MED28: variants seen among roughly 807,000 people sequenced by gnomAD.
The protein encoded by MED28 is mediator complex subunit 28.
MED28 carries 26 observed loss-of-function variants against 21.3 expected under a neutral mutation model. That is an observed-to-expected ratio of 1.22 (90% CI 0.89 to 1.69). The LOEUF (loss-of-function observed/expected upper bound fraction) is 1.69, where lower values mean the gene tolerates loss of function less well. Ranked by LOEUF, MED28 falls within the 40% of genes most tolerant of loss-of-function variation. MED28 has a pLI of 0.00. For missense variants in MED28, 257 were observed against 215.4 expected, an observed-to-expected ratio of 1.19 and a Z score of -1.21; for synonymous variants, 110 against 87.6, an observed-to-expected ratio of 1.26 and a Z score of -1.43.
In MED28 at chr4:17,628,140, A is replaced by G. The variant is rs1439892781; in HGVS notation, c.*4342A>G. On this transcript the variant is annotated 3_prime_UTR_variant, in exon 4 of 4. Coordinates refer to ENST00000237380, the MANE Select transcript of MED28 (RefSeq NM_025205.5). ...ACCCCAAAGTTGCTCTCAGGCCATG[A>G]TAAAATAAACCACTTAATAATTTTG... 1.3e-5 allele frequency: 2 copies of G among 152,210 alleles called. No homozygotes were observed. Among genetic ancestry groups the G allele is most frequent in the Admixed American group, 6.6e-5 (1 of 15,260 alleles). The allele number at this position is 152,210 out of a possible 1,614,324, so 9.4% of individuals were successfully genotyped here. A position where few individuals can be genotyped will look rare whatever the true frequency, so the allele number is the denominator to read the frequency against.
At position 17,632,577 on chromosome 4, in the gene MED28, C is replaced by G. The variant is rs779817402; in HGVS notation, c.*8779C>G. ...TGAACCATTCCTGGTGCGGAGAGCC[C>G]TGTTTCTGCTGGACTTCTTTGGCTT... is the stretch of plus-strand genomic sequence containing the variant. On this transcript the variant is annotated 3_prime_UTR_variant, in exon 4 of 4. Transcript: ENST00000237380. The G allele has an allele frequency of 1.3e-6, 2 of 1,551,446 alleles. No homozygotes were observed. The highest frequency in any genetic ancestry group is 1.2e-5 in the South Asian group (1 of 84,058).
rs1374242688 is a variant in MED28 at position 17,628,747 on chromosome 4, A to C, written c.*4949A>C. 1 of 152,204 alleles carries C rather than the reference A, an allele frequency of 6.6e-6. No individual in the cohort carries two copies. Among genetic ancestry groups the C allele is most frequent in the African/African-American group, 2.4e-5 (1 of 41,442 alleles). The allele number at this position is 152,204 out of a possible 1,614,324, so 9.4% of individuals were successfully genotyped here. A position where few individuals can be genotyped will look rare whatever the true frequency, so the allele number is the denominator to read the frequency against. On this transcript the variant is annotated 3_prime_UTR_variant, in exon 4 of 4. Transcript: ENST00000237380. ...ATGAGGCTTGGGGACTGGCTCACTC[A>C]CTGCCCAACTGGTAGCAAAACCCAT...
intron 1 of MED28, among the ~76,000 whole-genome samples, chr4:17,619,686 C>T (rs1034733604): frequency 1.3e-5 from 2 of 152,048 alleles, no homozygotes; most frequent in African/African-American, 2.4e-5. Context: ...GATGTGGTGC[C>T]GGCTCGTTTG....
chr4:17,621,624 AAGAC>A lies in MED28; in HGVS notation c.272_275del (p.Thr91AsnfsTer27), dbSNP rs760950057. 1.9e-6 allele frequency: 3 copies of A among 1,610,440 alleles called. No homozygotes were observed. The highest frequency in any genetic ancestry group is 2.3e-5 in the South Asian group (2 of 88,852). ...GTATCCAGAAGTTTCTGGATATTGC[AAGAC>A]AGACAGAATGTTTTTTCTTACAAAA... On this transcript the variant is annotated frameshift_variant, in exon 3 of 4. Transcript: ENST00000237380. LOFTEE classifies it high-confidence loss of function.
At chr4:17,620,893 A>C (rs1714607577) in intron 2 of MED28, among the ~76,000 whole-genome samples, 1 of 150,918 alleles carries the variant, frequency 6.6e-6, no homozygotes, top group Admixed American at 6.6e-5. Flanking sequence ...TTTTTTGTGG[A>C]GATGGGATCT....
rs980166494 is a variant in MED28 at position 17,630,119 on chromosome 4, C to T, written c.*6321C>T. 1 of 152,096 alleles carries T rather than the reference C, an allele frequency of 6.6e-6. No individual in the cohort carries two copies. Among genetic ancestry groups the T allele is most frequent in the Admixed American group, 6.6e-5 (1 of 15,264 alleles). 9.4% of individuals were successfully genotyped at this position (152,096 alleles called of 1,614,324 possible). ...TCAACTAGTAAAATTTTCTCCTTGC[C>T]CAGGGATCATGCTGAGTTTAAGGAC... is the stretch of plus-strand genomic sequence containing the variant. On this transcript the variant is annotated 3_prime_UTR_variant, in exon 4 of 4. Transcript: ENST00000237380.
chr4:17,614,880 C>T, intron 1 of MED28, 67 bp downstream of exon 1: 1 of 1,500,986 alleles, frequency 6.7e-7, no homozygotes, highest in South Asian at 1.3e-5. Context: ...ACTGCGCGTA[C>T]GCGTATCTCC....
rs1021799117 is a variant in MED28, at chr4:17,623,809, G to A, written c.*11G>A. The A allele has an allele frequency of 1.2e-5, 20 of 1,610,066 alleles. No individual in the cohort carries two copies. The highest frequency in any genetic ancestry group is 1.6e-5 in the Non-Finnish European group (19 of 1,177,918). ...CTGAAGCCAACGTGAGCAAAGGGCA[G>A]AGGCAGTTGGCCTATGAGTGGGCTG... On this transcript the variant is annotated 3_prime_UTR_variant, in exon 4 of 4. Transcript: ENST00000237380.
At position 17,633,577 on chromosome 4, in the gene MED28, C is replaced by CCATGAAAAAAGGCCTTCTGGAATTTGGTA. The variant is rs1386793073; in HGVS notation, c.*9781_*9809dup. 1.2e-4 allele frequency: 114 copies of CCATGAAAAAAGGCCTTCTGGAATTTGGTA among 972,058 alleles called. 2 individuals carry two copies. In the East Asian group the frequency reaches 2.9e-3, roughly 25 times the overall value. The allele number at this position is 972,058 out of a possible 1,614,324, so 60.2% of individuals were successfully genotyped here. A position where few individuals can be genotyped will look rare whatever the true frequency, so the allele number is the denominator to read the frequency against. ...GATTCAGTGTCCCTTGTCTAATCAT[C>CCATGAAAAAAGGCCTTCTGGAATTTGGTA]CATGAAAAAAGGCCTTCTGGAATTT... On this transcript the variant is annotated 3_prime_UTR_variant, in exon 4 of 4. Transcript: ENST00000237380.
In MED28 at chr4:17,627,797, C is replaced by T. The variant is rs1714806580; in HGVS notation, c.*3999C>T. ...TGAGCCGAGATCGAGCCACTGCACT[C>T]CAGCCTGGGTGACAGAGTAAGACTT... On this transcript the variant is annotated 3_prime_UTR_variant, in exon 4 of 4. Transcript: ENST00000237380. The T allele has an allele frequency of 6.6e-6, 1 of 152,546 alleles. No individual in the cohort carries two copies. Among genetic ancestry groups the T allele is most frequent in the African/African-American group, 2.4e-5 (1 of 41,576 alleles). The allele number at this position is 152,546 out of a possible 1,614,324, so 9.4% of individuals were successfully genotyped here.
chr4:17,620,518 A>G (rs1714592855), intron 2 of MED28, among the ~76,000 whole-genome samples: 2 of 152,096 alleles, frequency 1.3e-5, no homozygotes. Context: ...TTTTTAGTAG[A>G]GACGGGGTTT....
At position 17,623,740 on chromosome 4, in the gene MED28, C is replaced by G. The variant is rs756268313; in HGVS notation, c.479C>G (p.Ser160Cys). ...HKKPADIPQG[S>C]LAYLEQASAN... ...AAGCCCGCCGACATCCCTCAGGGCTCCTTGGCCTACCTGGAGCAGGCATCT... is the reference window on the plus strand; with the variant it reads ...AAGCCCGCCGACATCCCTCAGGGCTGCTTGGCCTACCTGGAGCAGGCATCT... Residue 160 changes from serine to cysteine, a missense_variant, in exon 4 of 4, where the codon TCC becomes TGC. Coordinates refer to ENST00000237380, the MANE Select transcript of MED28 (RefSeq NM_025205.5). The G allele has an allele frequency of 7.4e-6, 12 of 1,614,096 alleles. No individual in the cohort carries two copies. The South Asian group carries it at 1.3e-4, about 18-fold the overall frequency.
Position 17,633,881 on chromosome 4 carries a change from T to C in MED28, c.*10083T>C, listed in dbSNP as rs769141159. On this transcript the variant is annotated 3_prime_UTR_variant, in exon 4 of 4. Coordinates refer to ENST00000237380, the MANE Select transcript of MED28 (RefSeq NM_025205.5). ...CACGCGGCTGGGCACGTCCTCCACCTTCTTTTTCTGTTTGTATTAATGGAC... is the reference window on the plus strand; with the variant it reads ...CACGCGGCTGGGCACGTCCTCCACCCTCTTTTTCTGTTTGTATTAATGGAC... The C allele has an allele frequency of 6.5e-7, 1 of 1,547,302 alleles. No homozygotes were observed. The highest frequency in any genetic ancestry group is 8.7e-7 in the Non-Finnish European group (1 of 1,145,090).
rs752554843 is a variant in MED28 at position 17,630,548 on chromosome 4, A to G, written c.*6750A>G. On this transcript the variant is annotated 3_prime_UTR_variant, in exon 4 of 4. Transcript: ENST00000237380. The stretch of plus-strand genomic sequence containing the variant: ...CTAGGACTGTGAGTGACATATTTCT[A>G]TTGTTTATAAATTATCCAGTATAAG... 2.6e-5 allele frequency: 4 copies of G among 152,172 alleles called. No homozygotes were observed. Among genetic ancestry groups the G allele is most frequent in the Non-Finnish European group, 4.4e-5 (3 of 68,038 alleles). 9.4% of individuals were successfully genotyped at this position (152,172 alleles called of 1,614,324 possible). A position where few individuals can be genotyped will look rare whatever the true frequency, so the allele number is the denominator to read the frequency against.
intron 2 of MED28, 100 bp downstream of exon 2, chr4:17,620,067 GAC>G (rs1682193160): frequency 4.5e-6 from 5 of 1,119,348 alleles, no homozygotes; most frequent in Admixed American, 1.8e-5. Context: ...TTTATCCTAA[GAC>G]AACATTTCAG....
intron 3 of MED28, among the ~76,000 whole-genome samples, 170 bp from the exon 4 acceptor site, chr4:17,623,431 T>C (rs187191609): frequency 5.3e-5 from 8 of 149,986 alleles, no homozygotes; most frequent in Admixed American, 2.7e-4. Flanking sequence ...TAAAAACTTA[T>C]GTTAGAATCT....
At chr4:17,622,466 A>G (rs1714664742) in intron 3 of MED28, among the ~76,000 whole-genome samples, 1 of 152,254 alleles carries the variant, frequency 6.6e-6, no homozygotes, top group Non-Finnish European at 1.5e-5. Flanking sequence ...CAGTGCAGGT[A>G]TGTCCAAGAC....
chr4:17,614,865 C>G, intron 1 of MED28, 52 bp downstream of exon 1: 2 of 1,536,930 alleles, frequency 1.3e-6, no homozygotes, highest in Non-Finnish European at 1.8e-6. Context: ...TTTTCTGAAA[C>G]GTGAACTGCG....
intron 2 of MED28, among the ~76,000 whole-genome samples, chr4:17,620,881 A>AT (rs1157451772): frequency 2.0e-5 from 3 of 148,026 alleles, no homozygotes; most frequent in Non-Finnish European, 4.5e-5. Flanking sequence ...TTGTTTTTTT[A>AT]TTTTTTTGTG....
Sources: gnomAD v4.1 joint callset for allele counts (sites outside exome capture counted in the v4.1 genomes callset) on GRCh38, gnomAD v4.1.1 for gene constraint, MANE v1.5 for transcripts, NCBI Gene and HGNC (gene_info 2026-07-23, HGNC 2026-07-21) for gene names.